LIMD1: variants seen among roughly 807,000 people sequenced by gnomAD.
The protein encoded by LIMD1 is LIM domain containing 1.
Under a neutral mutation model 58.4 loss-of-function variants are expected in LIMD1, and 23 were observed. That is an observed-to-expected ratio of 0.39 (90% CI 0.28 to 0.56). LIMD1 has a LOEUF of 0.56. LIMD1 is among the 20% of genes least tolerant of loss of function. The pLI is 0.57. For synonymous variants in LIMD1, 334 were observed against 345.5 expected, an observed-to-expected ratio of 0.97 and a Z score of 0.37; for missense variants, 838 against 855.5, an observed-to-expected ratio of 0.98 and a Z score of 0.25.
At chr3:45,638,911 G>A (rs1701815149) in intron 2 of LIMD1, among the ~76,000 whole-genome samples, 2 of 152,182 alleles carry the variant, frequency 1.3e-5, no homozygotes, top group South Asian at 4.1e-4. Context: ...GGGTCTCACT[G>A]TGTCATCCAG....
chr3:45,596,386 C>T lies in LIMD1; in HGVS notation c.1408+99C>T, dbSNP rs1251056205. ...CAGGGATGCTGTGGGCTGTAGTTAC[C>T]TCTCTTTGAGTGGCCTGTTTTTTTA... On this transcript the variant is annotated intron_variant, in intron 1 of 7. Transcript: ENST00000273317. 14 of 953,530 alleles carry T rather than the reference C, an allele frequency of 1.5e-5. 1 individual carries two copies. The East Asian group carries it at 3.7e-4, about 25-fold the overall frequency. The allele number at this position is 953,530 out of a possible 1,614,324, so 59.1% of individuals were successfully genotyped here.
intron 2 of LIMD1, among the ~76,000 whole-genome samples, chr3:45,651,155 A>T (rs373758858): frequency 6.6e-6 from 1 of 152,118 alleles, no homozygotes; most frequent in Non-Finnish European, 1.5e-5. Flanking sequence ...GTGTCTGTTC[A>T]TATCCTTTGC....
intron 6 of LIMD1, 110 bp downstream of exon 6, chr3:45,673,615 TA>T: frequency 1.0e-6 from 1 of 977,970 alleles, no homozygotes; most frequent in East Asian, 2.4e-5. Flanking sequence ...GGTATCCTTT[TA>T]AAAATCTCAA....
At chr3:45,604,109 G>A (rs1701444021) in intron 1 of LIMD1, among the ~76,000 whole-genome samples, 1 of 152,252 alleles carries the variant, frequency 6.6e-6, no homozygotes, top group South Asian at 2.1e-4. Flanking sequence ...ATTATGGCAT[G>A]TTTGGGGATG....
intron 2 of LIMD1, among the ~76,000 whole-genome samples, chr3:45,644,221 C>T (rs1410127344): frequency 6.6e-6 from 1 of 152,232 alleles, no homozygotes; most frequent in East Asian, 1.9e-4. Flanking sequence ...GTGATTGACT[C>T]ACCAGTTAGT....
intron 7 of LIMD1, 89 bp from the exon 8 acceptor site, chr3:45,676,833 C>A: frequency 7.9e-7 from 1 of 1,268,670 alleles, no homozygotes; most frequent in Non-Finnish European, 1.1e-6. Flanking sequence ...CACACAGCAC[C>A]CTCTGCTGAT....
At chr3:45,663,327 G>A (rs1559525165) in intron 2 of LIMD1, among the ~76,000 whole-genome samples, 2 of 152,208 alleles carry the variant, frequency 1.3e-5, no homozygotes, top group East Asian at 1.9e-4. Flanking sequence ...AACCTTAGAA[G>A]TGTGTTGTGG....
chr3:45,611,140 G>A (rs9847532), intron 1 of LIMD1, among the ~76,000 whole-genome samples: 1,725 of 152,296 alleles, frequency 0.011, 36 homozygotes, highest in African/African-American at 0.036. Context: ...GCATGGAAGC[G>A]TCTTTACCTT....
chr3:45,624,690 T>C (rs1240615692), intron 1 of LIMD1, among the ~76,000 whole-genome samples: 1 of 152,050 alleles, frequency 6.6e-6, no homozygotes, highest in African/African-American at 2.4e-5. Context: ...GCCACTGCAC[T>C]CCAGCCTGGG....
intron 1 of LIMD1, chr3:45,632,552 G>A (rs1202784225): frequency 9.1e-6 from 9 of 985,132 alleles, no homozygotes; most frequent in Non-Finnish European, 1.1e-5. Flanking sequence ...GGAAGCAGGT[G>A]CCAGGTAAGG....
At chr3:45,648,205 A>G (rs893884598) in intron 2 of LIMD1, among the ~76,000 whole-genome samples, 2 of 152,204 alleles carry the variant, frequency 1.3e-5, no homozygotes, top group Non-Finnish European at 2.9e-5. Flanking sequence ...GAATAAATAA[A>G]GGTGACACTT....
At chr3:45,664,815 A>C (rs550644986) in intron 2 of LIMD1, among the ~76,000 whole-genome samples, 11 of 152,314 alleles carry the variant, frequency 7.2e-5, no homozygotes, top group African/African-American at 2.6e-4. Flanking sequence ...GCTGGCCCCA[A>C]AGGGCTTGGT....
intron 2 of LIMD1, among the ~76,000 whole-genome samples, chr3:45,639,067 G>A (rs1015508282): frequency 1.3e-5 from 2 of 152,118 alleles, no homozygotes; most frequent in South Asian, 4.1e-4. Flanking sequence ...CAGAGGTCTC[G>A]CTGTGTTGCC....
In LIMD1 at chr3:45,607,220, C is replaced by A. The variant is rs554126411; in HGVS notation, c.1408+10933C>A. ...GGCAACGCAGGGTAGCACTTGCCAG[C>A]GAATATTTATATCCACTCCAGTTTT... On this transcript the variant is annotated intron_variant, in intron 1 of 7. Coordinates refer to ENST00000273317, the MANE Select transcript of LIMD1 (RefSeq NM_014240.3). 2.0e-5 allele frequency among the ~76,000 whole-genome samples: 3 copies of A among 152,220 alleles called. No individual in the cohort carries two copies. The East Asian group carries it at 5.8e-4, about 29-fold the overall frequency.
rs1342541052 is a variant in LIMD1, at chr3:45,684,863, T to C, written c.*7804T>C. The C allele has an allele frequency of 2.0e-5, 3 of 152,236 alleles. No individual in the cohort carries two copies. Among genetic ancestry groups the C allele is most frequent in the Non-Finnish European group, 2.9e-5 (2 of 68,038 alleles). The allele number at this position is 152,236 out of a possible 1,614,324, so 9.4% of individuals were successfully genotyped here. ...GCCGGCATTTATCTGTGCAAGCTTC[T>C]AGCTTGCTTATTTATGCTTGCAGCT... On this transcript the variant is annotated 3_prime_UTR_variant, in exon 8 of 8. Transcript: ENST00000273317.
In LIMD1 at chr3:45,683,568, A is replaced by G. The variant is rs1697769870; in HGVS notation, c.*6509A>G. The stretch of plus-strand genomic sequence containing the variant: ...TTTACACAACCAGTCAGATGTTTGT[A>G]TAGGGTGGTGTAACTTTGTAACTTT... On this transcript the variant is annotated 3_prime_UTR_variant, in exon 8 of 8. Transcript: ENST00000273317. The G allele has an allele frequency of 6.6e-6, 1 of 152,070 alleles. No individual in the cohort carries two copies. Among genetic ancestry groups the G allele is most frequent in the South Asian group, 2.1e-4 (1 of 4,808 alleles). The allele number at this position is 152,070 out of a possible 1,614,324, so 9.4% of individuals were successfully genotyped here.
At chr3:45,610,063 G>C (rs994121723) in intron 1 of LIMD1, among the ~76,000 whole-genome samples, 1 of 152,146 alleles carries the variant, frequency 6.6e-6, no homozygotes, top group African/African-American at 2.4e-5. Context: ...ATGATGGCGC[G>C]CGCCTGTAAT....
At chr3:45,655,800 T>TA (rs1444209502) in intron 2 of LIMD1, among the ~76,000 whole-genome samples, 3 of 152,178 alleles carry the variant, frequency 2.0e-5, no homozygotes, top group Admixed American at 6.5e-5. Context: ...TCCCTAGTGT[T>TA]ACGTCTCTAC....
chr3:45,678,367 A>C lies in LIMD1; in HGVS notation c.*1308A>C, dbSNP rs1697698256. The C allele has an allele frequency of 6.6e-6, 1 of 152,628 alleles. No individual in the cohort carries two copies. Among genetic ancestry groups the C allele is most frequent in the Non-Finnish European group, 1.5e-5 (1 of 68,050 alleles). 9.5% of individuals were successfully genotyped at this position (152,628 alleles called of 1,614,324 possible). ...CAGCTGGTCAGGGCAGAGTGATCGT[A>C]ACTAAAGGTCAGTGGGGAATAGATC... On this transcript the variant is annotated 3_prime_UTR_variant, in exon 8 of 8. Coordinates refer to ENST00000273317, the MANE Select transcript of LIMD1 (RefSeq NM_014240.3).
Sources: allele counts gnomAD v4.1 joint callset (sites outside exome capture counted in the v4.1 genomes callset), GRCh38; gene constraint gnomAD v4.1.1; transcripts MANE v1.5; gene names NCBI Gene and HGNC (gene_info 2026-07-23, HGNC 2026-07-21).